Variants in ZFR observed in about 807,000 individuals in gnomAD.
ZFR encodes zinc finger RNA-binding protein.
Under a neutral mutation model 130.7 loss-of-function variants are expected in ZFR, and 19 were observed. That is an observed-to-expected ratio of 0.15 (90% CI 0.10 to 0.21). The LOEUF (loss-of-function observed/expected upper bound fraction) is 0.21. ZFR is among the 10% of genes least tolerant of loss of function. The pLI is 1.00. For missense variants in ZFR, 872 were observed against 1,321.5 expected (o/e 0.66, Z 5.27); for synonymous variants, 466 against 456.9 (o/e 1.02, Z -0.25).
In ZFR at chr5:32,395,263, A is replaced by G. The variant is rs187171617; in HGVS notation, c.1875T>C (p.Ser625=). The G allele has an allele frequency of 1.2e-6, 2 of 1,604,774 alleles. No individual in the cohort carries two copies. The highest frequency in any genetic ancestry group is 4.5e-5 in the East Asian group (2 of 44,516). ...CTTCTTGAATCTTTCTTGCTCGAATACTAGGCTTTACTTCTACTTGCAAAT... is the reference window on the plus strand; with the variant it reads ...CTTCTTGAATCTTTCTTGCTCGAATGCTAGGCTTTACTTCTACTTGCAAAT... ...NPDLQVEVKP[S]IRARKIQEEK... Residue 625 remains serine (S), a synonymous_variant, in exon 11 of 20, where the codon AGT becomes AGC. Transcript: ENST00000265069.
intron 4 of ZFR, among the ~76,000 whole-genome samples, chr5:32,417,121 T>TA (rs70961631): frequency 0.32 from 36,598 of 114,444 alleles, 5,527 homozygotes; most frequent in Middle Eastern, 0.54. Flanking sequence ...AGTCTCTCTC[T>TA]AAAAAAAAAA....
Position 32,366,631 on chromosome 5 carries a change from C to T in ZFR, c.2836-2356G>A, listed in dbSNP as rs1476001341. On this transcript the variant is annotated intron_variant, in intron 17 of 19. Coordinates refer to ENST00000265069, the MANE Select transcript of ZFR (RefSeq NM_016107.5). ...AAAGAACATAGCTATTCTCCAAGCA[C>T]ATGTCTACAGTTAAAAGAGCAATGA... Among the ~76,000 whole-genome samples the T allele has an allele frequency of 3.3e-5, 5 of 152,138 alleles. No individual in the cohort carries two copies. The East Asian group carries it at 9.6e-4, about 29-fold the overall frequency.
chr5:32,441,749 CA>C (rs2111881266), intron 2 of ZFR, among the ~76,000 whole-genome samples: 1 of 152,254 alleles, frequency 6.6e-6, no homozygotes, highest in East Asian at 1.9e-4. Context: ...CCAAAATTCC[CA>C]GTATTATTGG....
rs1465251039 is a variant in ZFR at position 32,367,976 on chromosome 5, T to A, written c.2836-3701A>T. Among the ~76,000 whole-genome samples, 4 of 152,316 alleles carry A rather than the reference T, an allele frequency of 2.6e-5. No homozygotes were observed. In the East Asian group the frequency reaches 5.8e-4, roughly 22 times the overall value. On this transcript the variant is annotated intron_variant, in intron 17 of 19. Transcript: ENST00000265069. ...CCAGGTCTTTCTGAAATCAAAATAA[T>A]GCTTTTTTTTTTCTTCTTTCCCTTA...
At chr5:32,404,733 A>G (rs1423063443) in intron 6 of ZFR, among the ~76,000 whole-genome samples, 1 of 152,262 alleles carries the variant, frequency 6.6e-6, no homozygotes. Flanking sequence ...TTGTGAATGC[A>G]CATGATTGAG....
chr5:32,401,377 G>A (rs533180341), intron 8 of ZFR, among the ~76,000 whole-genome samples: 1 of 152,116 alleles, frequency 6.6e-6, no homozygotes, highest in Admixed American at 6.5e-5. Flanking sequence ...AATTTAGAAG[G>A]AGCCACCACC....
intron 10 of ZFR, 36 bp from the exon 11 acceptor site, chr5:32,395,340 C>T (rs377301773): frequency 5.6e-5 from 81 of 1,436,616 alleles, no homozygotes; most frequent in Non-Finnish European, 6.8e-5. Flanking sequence ...AAAACAGCAG[C>T]CCCAAAACAA....
rs920886762 is a variant in ZFR, at chr5:32,407,648, C to A, written c.785-627G>T. ...AAGTTTGTGATGTGGAACTGAAGTT[C>A]AGATGAAAATATAGAACAACTGTTA... is the stretch of plus-strand genomic sequence containing the variant. On this transcript the variant is annotated intron_variant, in intron 5 of 19. Coordinates refer to ENST00000265069, the MANE Select transcript of ZFR (RefSeq NM_016107.5). 5.3e-5 allele frequency among the ~76,000 whole-genome samples: 8 copies of A among 151,950 alleles called. No homozygotes were observed. The East Asian group carries it at 1.6e-3, about 29-fold the overall frequency.
intron 11 of ZFR, among the ~76,000 whole-genome samples, chr5:32,392,081 C>T (rs1168737868): frequency 6.6e-6 from 1 of 152,204 alleles, no homozygotes; most frequent in African/African-American, 2.4e-5. Context: ...AGAAACCATT[C>T]TTCTATCTAT....
At chr5:32,408,471 T>C (rs1204591340) in intron 5 of ZFR, among the ~76,000 whole-genome samples, 2 of 152,206 alleles carry the variant, frequency 1.3e-5, no homozygotes, top group African/African-American at 4.8e-5. Context: ...CTGAAGTCAT[T>C]TGGAAAATAT....
intron 19 of ZFR, among the ~76,000 whole-genome samples, chr5:32,360,961 C>T (rs137882147): frequency 4.2e-3 from 638 of 152,252 alleles, no homozygotes; most frequent in Non-Finnish European, 6.8e-3. Flanking sequence ...TACAGGTGCA[C>T]GCCACCATGC....
chr5:32,369,414 G>A (rs1453811384), intron 17 of ZFR, among the ~76,000 whole-genome samples: 1 of 151,908 alleles, frequency 6.6e-6, no homozygotes, highest in African/African-American at 2.4e-5. Flanking sequence ...ATTTGGGCAG[G>A]AAGAATAATT....
At chr5:32,388,773 G>C in intron 12 of ZFR, 99 bp from the exon 13 acceptor site, 1 of 1,098,424 alleles carries the variant, frequency 9.1e-7, no homozygotes, top group Non-Finnish European at 1.3e-6. Context: ...TTTTCAATAA[G>C]AAAGCCTTTA....
intron 17 of ZFR, among the ~76,000 whole-genome samples, chr5:32,365,307 A>G (rs966720696): frequency 3.3e-5 from 5 of 152,126 alleles, no homozygotes; most frequent in Non-Finnish European, 7.4e-5. Context: ...AAGCTCATGG[A>G]CTTATTTATC....
intron 2 of ZFR, among the ~76,000 whole-genome samples, chr5:32,422,933 T>C (rs1430894877): frequency 6.7e-6 from 1 of 150,316 alleles, no homozygotes; most frequent in Non-Finnish European, 1.5e-5. Flanking sequence ...ACACACTCTA[T>C]ATTCTTACTC....
chr5:32,438,296 T>G (rs1199588393), intron 2 of ZFR, among the ~76,000 whole-genome samples: 2 of 134,472 alleles, frequency 1.5e-5, no homozygotes, highest in Non-Finnish European at 3.1e-5. Context: ...GGAGTTTCAC[T>G]CTTGTCGCCC....
chr5:32,434,367 C>G (rs412865), intron 2 of ZFR, among the ~76,000 whole-genome samples: 1 of 152,150 alleles, frequency 6.6e-6, no homozygotes, highest in Non-Finnish European at 1.5e-5. Context: ...ATCTTATGAT[C>G]TATCTGATAA....
chr5:32,391,530 T>C (rs1360761291), intron 11 of ZFR, among the ~76,000 whole-genome samples: 1 of 151,052 alleles, frequency 6.6e-6, no homozygotes, highest in East Asian at 1.9e-4. Flanking sequence ...CTACTCTTTT[T>C]TTTTTTTTTT....
intron 17 of ZFR, among the ~76,000 whole-genome samples, chr5:32,375,114 A>G (rs562602985): frequency 1.3e-5 from 2 of 152,344 alleles, no homozygotes; most frequent in Non-Finnish European, 2.9e-5. Context: ...CACTATTCTC[A>G]TATGTATGAA....
Sources: allele counts gnomAD v4.1 joint callset (sites outside exome capture counted in the v4.1 genomes callset), GRCh38; gene constraint gnomAD v4.1.1; transcripts MANE v1.5; gene names NCBI Gene and HGNC (gene_info 2026-07-23, HGNC 2026-07-21).